The following NUTM2E variants were observed in gnomAD, a reference collection of about 807,000 sequenced individuals.
The protein encoded by NUTM2E is family with sequence similarity 22, member E.
A neutral mutation model predicts 26.1 loss-of-function variants in NUTM2E; 3 were observed. That is an observed-to-expected ratio of 0.12 (90% confidence interval 0.05 to 0.30). The LOEUF is 0.30. Among genes scored for constraint, NUTM2E ranks in the 10% least tolerant of loss-of-function variants. NUTM2E has a pLI of 1.00. For synonymous variants in NUTM2E, 13 were observed against 157.5 expected (o/e 0.08, Z 6.87); for missense variants, 62 against 381.3 (o/e 0.16, Z 6.97).
In NUTM2E at chr10:79,827,309, A is replaced by T. The variant is rs1841890934; in HGVS notation, c.-2776A>T. Reference sequence around the variant, plus strand: ...ACATTCTTCAGCTCTAGCAGTGCAAAGGCTTCACTGAAAAAGAACATTACA... The same window carrying T: ...ACATTCTTCAGCTCTAGCAGTGCAATGGCTTCACTGAAAAAGAACATTACA... On this transcript the variant is annotated 5_prime_UTR_variant, in exon 1 of 10. In the 5' UTR this introduces an upstream ATG that the reference lacks. Coordinates refer to ENST00000429984, the MANE Select transcript of NUTM2E (RefSeq NM_001355263.2). 6.5e-6 allele frequency: 1 copy of T among 153,234 alleles called. No individual in the cohort carries two copies. Among genetic ancestry groups the T allele is most frequent in the South Asian group, 2.1e-4 (1 of 4,810 alleles). The allele number at this position is 153,234 out of a possible 1,614,324, so 9.5% of individuals were successfully genotyped here. A position where few individuals can be genotyped will look rare whatever the true frequency, so the allele number is the denominator to read the frequency against.
At chr10:79,836,134 T>C (rs1841961518) in intron 1 of NUTM2E, among the ~76,000 whole-genome samples, 1 of 151,546 alleles carries the variant, frequency 6.6e-6, no homozygotes, top group African/African-American at 2.4e-5. Flanking sequence ...GCATATGTAT[T>C]TGGTACTAAG....
rs568472940 is a variant in NUTM2E, at chr10:79,849,339, G to A, written c.1735-32G>A. The A allele has an allele frequency of 1.1e-3, 656 of 611,574 alleles. 5 individuals carry two copies. The African/African-American group carries it at 0.016, about 15-fold the overall frequency. The allele number at this position is 611,574 out of a possible 1,614,324, so 37.9% of individuals were successfully genotyped here. A position where few individuals can be genotyped will look rare whatever the true frequency, so the allele number is the denominator to read the frequency against. On this transcript the variant is annotated intron_variant, in intron 8 of 9. Transcript: ENST00000429984. Reference sequence around the variant, plus strand: ...TTGGCTCCAGGTTACTCCGTGCCCAGGAAGCTCACACCTTCTTCCTTCTGT... The same window carrying A: ...TTGGCTCCAGGTTACTCCGTGCCCAAGAAGCTCACACCTTCTTCCTTCTGT...
chr10:79,830,964 A>G (rs924995510), intron 1 of NUTM2E, among the ~76,000 whole-genome samples: 1 of 151,750 alleles, frequency 6.6e-6, no homozygotes, highest in Admixed American at 6.6e-5. Flanking sequence ...TTATTTTAAT[A>G]TTTATATACC....
At chr10:79,829,701 T>A (rs576124982) in intron 1 of NUTM2E, among the ~76,000 whole-genome samples, 2 of 151,876 alleles carry the variant, frequency 1.3e-5, no homozygotes, top group South Asian at 4.2e-4. Flanking sequence ...GAGAAGGGAA[T>A]GTCAAATAAC....
chr10:79,837,132 C>A (rs1205377452), intron 1 of NUTM2E, among the ~76,000 whole-genome samples: 1 of 151,936 alleles, frequency 6.6e-6, no homozygotes, highest in Admixed American at 6.6e-5. Flanking sequence ...TTTTCATAGT[C>A]AGAGCCACCT....
At chr10:79,833,806 T>A (rs893306773) in intron 1 of NUTM2E, among the ~76,000 whole-genome samples, 1 of 151,786 alleles carries the variant, frequency 6.6e-6, no homozygotes, top group African/African-American at 2.4e-5. Context: ...AGTGTGGTGA[T>A]TCCTCAAGGA....
chr10:79,834,687 A>G (rs1841949871), intron 1 of NUTM2E, among the ~76,000 whole-genome samples: 1 of 150,164 alleles, frequency 6.7e-6, no homozygotes, highest in African/African-American at 2.4e-5. Context: ...AAAAATCAAA[A>G]TAAAATACAA....
At chr10:79,832,008 T>G (rs1446364133) in intron 1 of NUTM2E, among the ~76,000 whole-genome samples, 1 of 135,860 alleles carries the variant, frequency 7.4e-6, no homozygotes, top group Non-Finnish European at 1.6e-5. Flanking sequence ...TATACTGACA[T>G]GGCAGAGACT....
intron 1 of NUTM2E, among the ~76,000 whole-genome samples, chr10:79,834,478 A>G (rs1006248677): frequency 6.6e-6 from 1 of 151,776 alleles, no homozygotes; most frequent in African/African-American, 2.4e-5. Context: ...AGGCAGGCGG[A>G]TCACCTGAGG....
intron 1 of NUTM2E, among the ~76,000 whole-genome samples, chr10:79,836,173 A>G (rs1841962557): frequency 6.6e-6 from 1 of 151,602 alleles, no homozygotes; most frequent in Non-Finnish European, 1.5e-5. Flanking sequence ...GAACCTCACC[A>G]TTTATTGTTT....
At chr10:79,832,529 A>G (rs1386711053) in intron 1 of NUTM2E, among the ~76,000 whole-genome samples, 3 of 143,408 alleles carry the variant, frequency 2.1e-5, no homozygotes, top group African/African-American at 7.4e-5. Context: ...ATTGACATAG[A>G]ATTAGAATTA....
chr10:79,827,795 G>GTTTTT (rs57414762), intron 1 of NUTM2E, among the ~76,000 whole-genome samples: 2 of 127,732 alleles, frequency 1.6e-5, no homozygotes, highest in Non-Finnish European at 1.7e-5. Flanking sequence ...TTTTTTTTTT[G>GTTTTT]TTTTTTTTTT....
intron 7 of NUTM2E, 89 bp from the exon 8 acceptor site, chr10:79,848,424 T>C: frequency 6.5e-6 from 2 of 307,146 alleles, no homozygotes; most frequent in South Asian, 6.0e-5. Context: ...TGGGACCCAC[T>C]TCACATCCCC....
intron 1 of NUTM2E, among the ~76,000 whole-genome samples, chr10:79,837,476 A>G: frequency 6.6e-6 from 1 of 152,168 alleles, no homozygotes; most frequent in Non-Finnish European, 1.5e-5. Flanking sequence ...GAGCAAATGG[A>G]TCACTAAGGA....
intron 1 of NUTM2E, among the ~76,000 whole-genome samples, chr10:79,828,561 A>G (rs1841906519): frequency 6.6e-6 from 1 of 151,926 alleles, no homozygotes; most frequent in Non-Finnish European, 1.5e-5. Flanking sequence ...CAGCCCTGGT[A>G]GTGGAAAAGT....
At chr10:79,837,544 G>A (rs1230463569) in intron 1 of NUTM2E, among the ~76,000 whole-genome samples, 4 of 152,146 alleles carry the variant, frequency 2.6e-5, no homozygotes, top group South Asian at 4.1e-4. Context: ...GTTAACACAT[G>A]TCACGGCTAA....
chr10:79,834,495 A>G (rs372516719), intron 1 of NUTM2E, among the ~76,000 whole-genome samples: 2 of 151,372 alleles, frequency 1.3e-5, no homozygotes, highest in East Asian at 3.9e-4. Context: ...GAGGTTAGGA[A>G]TTCAAGACCA....
intron 3 of NUTM2E, among the ~76,000 whole-genome samples, 140 bp from the exon 4 acceptor site, chr10:79,839,488 G>A (rs1744226): frequency 1.6e-4 from 24 of 151,682 alleles, no homozygotes; most frequent in African/African-American, 4.8e-4. Context: ...ACAATTCCAC[G>A]CTCCCCACCC....
intron 1 of NUTM2E, among the ~76,000 whole-genome samples, chr10:79,831,826 T>A (rs1480320954): frequency 6.6e-6 from 1 of 151,280 alleles, no homozygotes; most frequent in Non-Finnish European, 1.5e-5. Context: ...AGATAATTGC[T>A]GTTTTAGTTA....
Sources: gnomAD v4.1 joint callset for allele counts (sites outside exome capture counted in the v4.1 genomes callset) on GRCh38, gnomAD v4.1.1 for gene constraint, MANE v1.5 for transcripts, NCBI Gene and HGNC (gene_info 2026-07-23, HGNC 2026-07-21) for gene names.